The following GRIK4 variants were observed in gnomAD, a reference collection of about 807,000 sequenced individuals.
The protein encoded by GRIK4 is glutamate receptor ionotropic, kainate 4.
In GRIK4, 40 loss-of-function variants were observed where a neutral mutation model predicts 104.9. The observed-to-expected ratio is 0.38, with a 90% CI of 0.30 to 0.50. GRIK4 has a LOEUF of 0.50. GRIK4 is among the 20% of genes least tolerant of loss of function. GRIK4 has a pLI of 0.93. For synonymous variants in GRIK4, 485 were observed against 524.9 expected, an observed-to-expected ratio of 0.92 and a Z score of 1.04; for missense variants, 1,047 against 1,308.1, an observed-to-expected ratio of 0.80 and a Z score of 3.08.
chr11:120,867,441 C>T (rs1055669629), intron 9 of GRIK4, among the ~76,000 whole-genome samples: 11 of 152,084 alleles, frequency 7.2e-5, no homozygotes, highest in African/African-American at 1.9e-4. Context: ...TCTTTCTCTC[C>T]CTCTTCTCCC....
At chr11:120,803,478 C>T (rs2135514048) in intron 4 of GRIK4, among the ~76,000 whole-genome samples, 1 of 152,236 alleles carries the variant, frequency 6.6e-6, no homozygotes, top group East Asian at 1.9e-4. Flanking sequence ...TGCTCTGTTG[C>T]CCAGGCTGGA....
chr11:120,560,836 AACATCTACT>A (rs1948231324), intron 1 of GRIK4, among the ~76,000 whole-genome samples: 1 of 152,050 alleles, frequency 6.6e-6, no homozygotes, highest in Non-Finnish European at 1.5e-5. Context: ...AAAAAGCTTT[AACATCTACT>A]TCAGTGGAAG....
At chr11:120,715,148 G>A (rs974163442) in intron 3 of GRIK4, among the ~76,000 whole-genome samples, 2 of 152,178 alleles carry the variant, frequency 1.3e-5, no homozygotes, top group African/African-American at 2.4e-5. Flanking sequence ...TGCTGGCACG[G>A]GGGCACTAAT....
intron 1 of GRIK4, chr11:120,564,811 T>A (rs1334381003): frequency 7.0e-6 from 1 of 142,100 alleles, no homozygotes; most frequent in African/African-American, 2.4e-5. Context: ...CCCTCGAGGC[T>A]CCCGCGTGGG....
chr11:120,565,100 G>C (rs1027792473), intron 1 of GRIK4, among the ~76,000 whole-genome samples: 4 of 152,208 alleles, frequency 2.6e-5, no homozygotes, highest in Non-Finnish European at 1.5e-5. Context: ...GCAGTGATGC[G>C]GGGCAGCGTG....
chr11:120,836,887 T>C (rs1705315115), intron 8 of GRIK4, 43 bp downstream of exon 8: 1 of 1,231,590 alleles, frequency 8.1e-7, no homozygotes, highest in African/African-American at 1.5e-5. Context: ...GAGAGTGTTG[T>C]CAGTGGTCAG....
At chr11:120,705,647 A>T (rs1950618555) in intron 3 of GRIK4, among the ~76,000 whole-genome samples, 1 of 152,172 alleles carries the variant, frequency 6.6e-6, no homozygotes, top group African/African-American at 2.4e-5. Flanking sequence ...ATGAAAACGA[A>T]ATGTCTTTTC....
At chr11:120,970,614 G>A (rs1360423891) in intron 19 of GRIK4, among the ~76,000 whole-genome samples, 1 of 151,766 alleles carries the variant, frequency 6.6e-6, no homozygotes, top group Non-Finnish European at 1.5e-5. Context: ...CATTCTTGTG[G>A]AGGAGCAGAG....
chr11:120,971,474 C>G (rs1944474451), intron 19 of GRIK4, among the ~76,000 whole-genome samples: 1 of 152,178 alleles, frequency 6.6e-6, no homozygotes, highest in African/African-American at 2.4e-5. Context: ...AAACGGGTGC[C>G]CAGCACCCCA....
At chr11:120,735,451 C>T (rs893341346) in intron 3 of GRIK4, among the ~76,000 whole-genome samples, 1 of 152,118 alleles carries the variant, frequency 6.6e-6, no homozygotes, top group African/African-American at 2.4e-5. Context: ...GGAAGCACCC[C>T]TATGGCCACC....
chr11:120,552,140 C>T (rs1057222950), intron 1 of GRIK4, among the ~76,000 whole-genome samples: 4 of 152,222 alleles, frequency 2.6e-5, no homozygotes, highest in Admixed American at 1.3e-4. Flanking sequence ...GAATTTCCCC[C>T]GGGGCCTGGA....
At position 120,511,844 on chromosome 11, in the gene GRIK4, G is replaced by A. The variant is rs1479065866; in HGVS notation, c.-202G>A. 27 of 351,958 alleles carry A rather than the reference G, an allele frequency of 7.7e-5. No individual in the cohort carries two copies. The highest frequency in any genetic ancestry group is 1.4e-4 in the Non-Finnish European group (24 of 173,122). 21.8% of individuals were successfully genotyped at this position (351,958 alleles called of 1,614,324 possible). Reference sequence around the variant, plus strand: ...CAGCAGCCCCGCGGCCGGCCCGGCAGCGCCCGGCCCCCGGCTCAGCCCCCG... The same window carrying A: ...CAGCAGCCCCGCGGCCGGCCCGGCAACGCCCGGCCCCCGGCTCAGCCCCCG... On this transcript the variant is annotated 5_prime_UTR_variant, in exon 1 of 21. Transcript: ENST00000527524.
At chr11:120,727,390 C>T (rs902432788) in intron 3 of GRIK4, among the ~76,000 whole-genome samples, 1 of 152,074 alleles carries the variant, frequency 6.6e-6, no homozygotes, top group Non-Finnish European at 1.5e-5. Context: ...AGGAAGCCAC[C>T]AGAAATTTTT....
intron 13 of GRIK4, among the ~76,000 whole-genome samples, chr11:120,920,350 A>G (rs1943200702): frequency 6.6e-6 from 1 of 151,828 alleles, no homozygotes; most frequent in Admixed American, 6.6e-5. Context: ...TCTGGCCTGG[A>G]GCTCAGCTCC....
chr11:120,612,907 G>A (rs1449395474), intron 1 of GRIK4, among the ~76,000 whole-genome samples: 1 of 152,242 alleles, frequency 6.6e-6, no homozygotes, highest in Non-Finnish European at 1.5e-5. Context: ...AAAGAGGAGT[G>A]AGGTAGGTAG....
intron 3 of GRIK4, among the ~76,000 whole-genome samples, chr11:120,740,379 C>T (rs2135406850): frequency 6.6e-6 from 1 of 152,306 alleles, no homozygotes; most frequent in Non-Finnish European, 1.5e-5. Flanking sequence ...CTCCTTCCCT[C>T]ACCCCCGCAT....
intron 11 of GRIK4, among the ~76,000 whole-genome samples, chr11:120,875,470 G>A (rs1264036147): frequency 6.6e-6 from 1 of 152,188 alleles, no homozygotes; most frequent in Non-Finnish European, 1.5e-5. Flanking sequence ...AGAGAACTGG[G>A]GTGAAAGGGG....
intron 1 of GRIK4, among the ~76,000 whole-genome samples, chr11:120,602,319 G>C (rs1948898677): frequency 6.6e-6 from 1 of 152,136 alleles, no homozygotes; most frequent in Non-Finnish European, 1.5e-5. Flanking sequence ...TCCATTTAGT[G>C]GACAAACAGA....
rs149521917 is a variant in GRIK4 at position 120,664,530 on chromosome 11, T to G, written c.82+4130T>G. On this transcript the variant is annotated intron_variant, in intron 3 of 20. Transcript: ENST00000527524. ...CAATCCCCTGTTACAGATGAAGCAATGGAGGCTCAGAGGGTTTAAATAACG... is the reference window on the plus strand; with the variant it reads ...CAATCCCCTGTTACAGATGAAGCAAGGGAGGCTCAGAGGGTTTAAATAACG... 3.1e-4 allele frequency among the ~76,000 whole-genome samples: 47 copies of G among 152,304 alleles called. 1 individual carries two copies. Among genetic ancestry groups the G allele is most frequent in the African/African-American group, 1.1e-3 (44 of 41,570 alleles).
Sources: gnomAD v4.1 joint callset for allele counts (sites outside exome capture counted in the v4.1 genomes callset) on GRCh38, gnomAD v4.1.1 for gene constraint, MANE v1.5 for transcripts, NCBI Gene and HGNC (gene_info 2026-07-23, HGNC 2026-07-21) for gene names.